SLC33A2: variants seen among roughly 807,000 people sequenced by gnomAD.
SLC33A2 encodes the protein major facilitator superfamily domain containing 3.
At chr8:144,510,489 C>T in the SLC33A2 span, 59 of 1,612,652 alleles carry the variant, frequency 3.7e-5, no homozygotes, top group Admixed American at 6.3e-4. Flanking sequence ...CTGGGTGGGA[C>T]CTTGCTGGCC....
At chr8:144,510,534 C>T in the SLC33A2 span, 2 of 1,612,052 alleles carry the variant, frequency 1.2e-6, no homozygotes, top group Non-Finnish European at 8.5e-7. Context: ...GTACCCTGCC[C>T]ACCCACTTGT....
the SLC33A2 span, chr8:144,510,630 G>A: frequency 3.8e-6 from 6 of 1,567,462 alleles, no homozygotes; most frequent in South Asian, 2.4e-5. Flanking sequence ...TCGGTGCTGC[G>A]CTTCCGCCTC....
At chr8:144,510,672 T>C in the SLC33A2 span, 3 of 1,560,100 alleles carry the variant, frequency 1.9e-6, no homozygotes, top group Non-Finnish European at 2.6e-6. Flanking sequence ...GCCTTGGTCT[T>C]CCACCTGGAC....
the SLC33A2 span, chr8:144,509,110 C>T: frequency 6.5e-6 from 3 of 459,912 alleles, no homozygotes; most frequent in African/African-American, 4.1e-5. Context: ...GTGTCCGGAC[C>T]GCTCGCCCCC....
chr8:144,510,466 C>T, the SLC33A2 span: 43 of 1,612,748 alleles, frequency 2.7e-5, no homozygotes, highest in Admixed American at 2.2e-4. Flanking sequence ...TCTGCTCCAT[C>T]GCTGGCTCCT....
At chr8:144,510,032 GC>G in the SLC33A2 span, 1 of 1,586,704 alleles carries the variant, frequency 6.3e-7, no homozygotes, top group Non-Finnish European at 8.5e-7. Flanking sequence ...GAGGCCTCGA[GC>G]CAGGCAACAG....
chr8:144,509,964 G>GCC, the SLC33A2 span: 1 of 1,596,004 alleles, frequency 6.3e-7, no homozygotes, highest in Non-Finnish European at 8.5e-7. Context: ...GGACGTGCTA[G>GCC]CCGTGCCGGG....
chr8:144,510,504 A>G, the SLC33A2 span: 3 of 1,612,426 alleles, frequency 1.9e-6, 1 homozygote, highest in South Asian at 3.3e-5. Context: ...CTGGCCAAGC[A>G]CTGGTGAGCC....
the SLC33A2 span, chr8:144,509,966 C>G: frequency 1.3e-6 from 2 of 1,596,094 alleles, no homozygotes; most frequent in Admixed American, 1.7e-5. Context: ...ACGTGCTAGC[C>G]GTGCCGGGGA....
chr8:144,509,556 G>T, the SLC33A2 span: 2 of 1,518,080 alleles, frequency 1.3e-6, no homozygotes, highest in Middle Eastern at 1.9e-4. Context: ...GCGCAGCACG[G>T]CGGGCCTGGG....
chr8:144,510,764 C>G, the SLC33A2 span: 41 of 1,609,724 alleles, frequency 2.5e-5, no homozygotes, highest in African/African-American at 5.1e-4. Context: ...GGCCAGGAGC[C>G]TGGGGCACTG....
the SLC33A2 span, chr8:144,510,455 G>C: frequency 6.2e-7 from 1 of 1,612,914 alleles, no homozygotes. Context: ...GGGTGCTGTG[G>C]TCTGCTCCAT....
At chr8:144,509,169 C>T in the SLC33A2 span, 4 of 657,162 alleles carry the variant, frequency 6.1e-6, no homozygotes, top group African/African-American at 7.7e-5. Context: ...TCCTAAAGCC[C>T]GAGAGCACGT....
At chr8:144,509,801 G>A in the SLC33A2 span, 2 of 1,545,124 alleles carry the variant, frequency 1.3e-6, no homozygotes, top group East Asian at 2.4e-5. Context: ...CGCTGCTGGC[G>A]CTGCTGCCCA....
At chr8:144,509,715 G>C in the SLC33A2 span, 18 of 1,567,768 alleles carry the variant, frequency 1.1e-5, no homozygotes, top group Non-Finnish European at 1.5e-5. Context: ...GCAGCTGCTG[G>C]AGCCGGCCGA....
At chr8:144,510,630 GCTTCCGCCT>G in the SLC33A2 span, 24 of 1,567,344 alleles carry the variant, frequency 1.5e-5, no homozygotes, top group Non-Finnish European at 2.0e-5. Context: ...TCGGTGCTGC[GCTTCCGCCT>G]CGGGGGCCTA....
the SLC33A2 span, chr8:144,510,512 G>A: frequency 7.4e-6 from 12 of 1,612,354 alleles, no homozygotes; most frequent in Non-Finnish European, 9.3e-6. Context: ...GCACTGGTGA[G>A]CCCTCCCCAG....
At chr8:144,510,418 T>A in the SLC33A2 span, 6 of 1,612,670 alleles carry the variant, frequency 3.7e-6, no homozygotes, top group African/African-American at 8.0e-5. Context: ...GCGTTTCTGC[T>A]CCCGAGTTGG....
chr8:144,510,629 C>T, the SLC33A2 span: 90 of 1,568,142 alleles, frequency 5.7e-5, no homozygotes, highest in Admixed American at 2.1e-4. Context: ...GTCGGTGCTG[C>T]GCTTCCGCCT....
Sources: allele counts gnomAD v4.1 joint callset, GRCh38; gene constraint gnomAD v4.1.1; transcripts MANE v1.5; gene names NCBI Gene and HGNC (gene_info 2026-07-23, HGNC 2026-07-21).